Variants in DSCAM observed in about 807,000 individuals in gnomAD.
DSCAM encodes cell adhesion molecule DSCAM.
In DSCAM, 47 loss-of-function variants were observed where a neutral mutation model predicts 217.7. That is an observed-to-expected ratio of 0.22 (90% CI 0.17 to 0.28). DSCAM has a LOEUF of 0.28. DSCAM is among the 10% of genes least tolerant of loss of function. The pLI, the probability that DSCAM is intolerant of heterozygous loss-of-function variation, is 1.00. For missense variants in DSCAM, 2,080 were observed against 2,618.3 expected (o/e 0.79, Z 4.49); for synonymous variants, 1,056 against 1,015.3 (o/e 1.04, Z -0.76).
At chr21:40,697,229 T>G (rs1295103425) in intron 2 of DSCAM, among the ~76,000 whole-genome samples, 5 of 152,200 alleles carry the variant, frequency 3.3e-5, no homozygotes, top group Non-Finnish European at 2.9e-5. Flanking sequence ...ATCATTATAT[T>G]CTTGTTGGAT....
At chr21:40,780,093 T>C (rs527528535) in intron 1 of DSCAM, among the ~76,000 whole-genome samples, 35 of 152,274 alleles carry the variant, frequency 2.3e-4, no homozygotes, top group Non-Finnish European at 2.4e-4. Flanking sequence ...ATCGCAGATG[T>C]AGATGTCATC....
intron 11 of DSCAM, among the ~76,000 whole-genome samples, chr21:40,257,404 A>G (rs1278603159): frequency 6.8e-6 from 1 of 146,414 alleles, no homozygotes; most frequent in African/African-American, 2.5e-5. Context: ...AATATTTTTT[A>G]TTTGAGGATG....
At chr21:40,797,653 A>G (rs1209614976) in intron 1 of DSCAM, among the ~76,000 whole-genome samples, 1 of 151,966 alleles carries the variant, frequency 6.6e-6, no homozygotes, top group African/African-American at 2.4e-5. Flanking sequence ...AGAATTCATT[A>G]TCTTTATTTC....
chr21:40,014,178 G>C (rs1312212918), intron 32 of DSCAM, among the ~76,000 whole-genome samples: 1 of 152,200 alleles, frequency 6.6e-6, no homozygotes, highest in Non-Finnish European at 1.5e-5. Flanking sequence ...ATCACCTGAG[G>C]TCAGGAGTTC....
intron 11 of DSCAM, among the ~76,000 whole-genome samples, chr21:40,246,344 C>A (rs1156877725): frequency 8.7e-6 from 1 of 115,516 alleles, no homozygotes; most frequent in Non-Finnish European, 1.6e-5. Flanking sequence ...TGATGAAACC[C>A]AGTCCGTACT....
chr21:40,736,029 A>T (rs2091060068), intron 1 of DSCAM, among the ~76,000 whole-genome samples: 1 of 152,218 alleles, frequency 6.6e-6, no homozygotes, highest in African/African-American at 2.4e-5. Flanking sequence ...AGGGGAACCT[A>T]TGAATCTCCC....
At chr21:40,459,461 G>C (rs1273635089) in intron 3 of DSCAM, among the ~76,000 whole-genome samples, 1 of 152,164 alleles carries the variant, frequency 6.6e-6, no homozygotes. Flanking sequence ...TGAAGTGACT[G>C]AGTAAAAAGT....
At chr21:40,559,651 CA>C (rs146853833) in intron 3 of DSCAM, among the ~76,000 whole-genome samples, 52 of 152,062 alleles carry the variant, frequency 3.4e-4, no homozygotes, top group African/African-American at 1.2e-3. Context: ...ACATAAATAT[CA>C]ATGATTCGGG....
At chr21:40,121,369 C>T (rs1459357646) in intron 20 of DSCAM, among the ~76,000 whole-genome samples, 2 of 152,172 alleles carry the variant, frequency 1.3e-5, no homozygotes, top group Non-Finnish European at 2.9e-5. Flanking sequence ...GCTTGACTCT[C>T]ACTGATACTA....
At chr21:40,252,590 C>T (rs1046431680) in intron 11 of DSCAM, among the ~76,000 whole-genome samples, 3 of 152,058 alleles carry the variant, frequency 2.0e-5, no homozygotes, top group Non-Finnish European at 2.9e-5. Context: ...TATATGGGAA[C>T]CTGTGTAATT....
At chr21:40,056,784 A>G (rs1766143871) in intron 28 of DSCAM, among the ~76,000 whole-genome samples, 1 of 152,228 alleles carries the variant, frequency 6.6e-6, no homozygotes, top group Non-Finnish European at 1.5e-5. Context: ...GGTTTTGAGA[A>G]AGATTTCTGG....
intron 3 of DSCAM, among the ~76,000 whole-genome samples, chr21:40,689,101 T>C (rs991419144): frequency 6.6e-6 from 1 of 152,140 alleles, no homozygotes; most frequent in African/African-American, 2.4e-5. Flanking sequence ...CTCAGGAAAA[T>C]AAACTACTCA....
intron 11 of DSCAM, among the ~76,000 whole-genome samples, chr21:40,210,639 A>C (rs1399998770): frequency 6.6e-6 from 1 of 152,162 alleles, no homozygotes; most frequent in African/African-American, 2.4e-5. Flanking sequence ...CTGCCTCCCA[A>C]GTTCAAATGA....
chr21:40,048,251 T>C (rs758219113), intron 30 of DSCAM, among the ~76,000 whole-genome samples: 3 of 152,262 alleles, frequency 2.0e-5, no homozygotes, highest in Non-Finnish European at 4.4e-5. Flanking sequence ...CCATGATTCC[T>C]ATGCAGCAAA....
rs144457149 is a variant in DSCAM at position 40,029,237 on chromosome 21, C to T, written c.5686+13134G>A. ...TCTTCTTATGATGTTTATCCTGTGC[C>T]GTCAAGAGAAGCCATTACATGAAGC... On this transcript the variant is annotated intron_variant, in intron 32 of 32. Transcript: ENST00000400454. Among the ~76,000 whole-genome samples the T allele has an allele frequency of 6.4e-4, 97 of 152,056 alleles. 1 individual carries two copies. In the East Asian group the frequency reaches 0.01, roughly 16 times the overall value.
chr21:40,576,721 A>G (rs1809794539), intron 3 of DSCAM, among the ~76,000 whole-genome samples: 1 of 152,008 alleles, frequency 6.6e-6, no homozygotes, highest in Admixed American at 6.5e-5. Flanking sequence ...GAAAAATCCA[A>G]CAGAAGAAGA....
At chr21:40,342,648 A>ATATATATATATATATATATATATT (rs61637421) in intron 6 of DSCAM, among the ~76,000 whole-genome samples, 16 of 80,304 alleles carry the variant, frequency 2.0e-4, no homozygotes, top group African/African-American at 8.3e-4. Context: ...ATATATATAT[A>ATATATATATATATATATATATATT]TTTTTTTTTT....
intron 32 of DSCAM, among the ~76,000 whole-genome samples, chr21:40,021,404 C>T (rs1049904137): frequency 2.6e-5 from 4 of 152,002 alleles, no homozygotes; most frequent in African/African-American, 4.8e-5. Flanking sequence ...CCACTTTGAA[C>T]GGCCCTTGTG....
At chr21:40,346,699 A>G (rs1348270728) in intron 6 of DSCAM, among the ~76,000 whole-genome samples, 1 of 152,224 alleles carries the variant, frequency 6.6e-6, no homozygotes, top group Non-Finnish European at 1.5e-5. Flanking sequence ...CGTATCACAT[A>G]TCCAAAACCT....
Sources: allele counts gnomAD v4.1 joint callset (sites outside exome capture counted in the v4.1 genomes callset), GRCh38; gene constraint gnomAD v4.1.1; transcripts MANE v1.5; gene names NCBI Gene and HGNC (gene_info 2026-07-23, HGNC 2026-07-21).